H2AX: variants seen among roughly 807,000 people sequenced by gnomAD.
The protein encoded by H2AX is H2A.X variant histone.
H2AX carries 2 observed loss-of-function variants against 8.0 expected under a neutral mutation model. The observed-to-expected ratio is 0.25, with a 90% CI of 0.10 to 0.79. H2AX has a LOEUF of 0.79. Among genes scored for constraint, H2AX ranks in the 30% least tolerant of loss-of-function variants. The pLI is 0.69. For missense variants in H2AX, 105 were observed against 201.0 expected, an observed-to-expected ratio of 0.52 and a Z score of 2.89; for synonymous variants, 110 against 102.5, an observed-to-expected ratio of 1.07 and a Z score of -0.44.
In H2AX at chr11:119,095,227, C is replaced by T. The variant is rs552274055; in HGVS notation, c.168G>A (p.Leu56=). 7.4e-6 allele frequency: 12 copies of T among 1,613,956 alleles called. No individual in the cohort carries two copies. The African/African-American group carries it at 1.6e-4, about 22-fold the overall frequency. The part of the protein sequence containing the change: ...AGAPVYLAAV[L]EYLTAEILEL... ...CCAGGATCTCAGCGGTGAGGTACTC[C>T]AGCACTGCCGCCAGGTACACTGGCG... Residue 56 remains leucine, a synonymous_variant, in exon 1 of 1, where the codon CTG becomes CTA. Coordinates refer to ENST00000530167, the MANE Select transcript of H2AX (RefSeq NM_002105.3).
At position 119,094,958 on chromosome 11, in the gene H2AX, C is replaced by A. The variant is rs751244870; in HGVS notation, c.*5G>T. 5.0e-6 allele frequency: 8 copies of A among 1,594,224 alleles called. No homozygotes were observed. The highest frequency in any genetic ancestry group is 6.0e-6 in the Non-Finnish European group (7 of 1,171,632). On this transcript the variant is annotated 3_prime_UTR_variant, in exon 1 of 1. Coordinates refer to ENST00000530167, the MANE Select transcript of H2AX (RefSeq NM_002105.3). ...GCCTGGCGGCCGGCCGCGGCGCGGG[C>A]CCTCTTAGTACTCCTGGGAGGCCTG...
Position 119,094,913 on chromosome 11 carries a change from C to A in H2AX, c.*50G>T, listed in dbSNP as rs934694347. 4.6e-6 allele frequency: 7 copies of A among 1,536,524 alleles called. No individual in the cohort carries two copies. The highest frequency in any genetic ancestry group is 6.1e-6 in the Non-Finnish European group (7 of 1,145,570). ...GGGCGGTGGTGGCCCTTAAAAGGGC[C>A]TTTGTGGTGGCATGGGGAGGCCTGG... On this transcript the variant is annotated 3_prime_UTR_variant, in exon 1 of 1. Coordinates refer to ENST00000530167, the MANE Select transcript of H2AX (RefSeq NM_002105.3).
rs1176035172 is a variant in H2AX, at chr11:119,094,740, C to T, written c.*223G>A. ...GGCGGACGGCGGACAGGGCAGGGCC[C>T]GAGGCCGACGCGGCAGGCGGTGCGG... On this transcript the variant is annotated 3_prime_UTR_variant, in exon 1 of 1. Transcript: ENST00000530167. 6 of 510,598 alleles carry T rather than the reference C, an allele frequency of 1.2e-5. No individual in the cohort carries two copies. Among genetic ancestry groups the T allele is most frequent in the Non-Finnish European group, 1.7e-5 (5 of 297,562 alleles). The allele number at this position is 510,598 out of a possible 1,614,324, so 31.6% of individuals were successfully genotyped here.
chr11:119,095,384 C>T lies in H2AX; in HGVS notation c.11G>A (p.Arg4His). 6.4e-7 allele frequency: 1 copy of T among 1,563,496 alleles called. No homozygotes were observed. Among genetic ancestry groups the T allele is most frequent in the Non-Finnish European group, 8.6e-7 (1 of 1,160,248 alleles). ...GCGGGCCTTGCCGCCAGTCTTGCCG[C>T]GGCCCGACATGCTAGCGAGGTAGAC... MSGRGKTGGKARAK... is the reference protein window; with the variant it reads MSGHGKTGGKARAK... Residue 4 changes from arginine to histidine, a missense_variant, in exon 1 of 1, where the codon CGC (arginine) becomes CAC (histidine). By Grantham distance (29) the Arg-to-His change is conservative. Around this residue, in one of 3 missense-constraint regions of H2AX, gnomAD observed 21 missense variants for 22.7 expected, o/e 0.93. Transcript: ENST00000530167.
In H2AX at chr11:119,093,978, C is replaced by T. The variant is rs1946349955; in HGVS notation, c.*985G>A. 2 of 153,948 alleles carry T rather than the reference C, an allele frequency of 1.3e-5. No individual in the cohort carries two copies. Among genetic ancestry groups the T allele is most frequent in the Non-Finnish European group, 2.9e-5 (2 of 68,888 alleles). 9.5% of individuals were successfully genotyped at this position (153,948 alleles called of 1,614,324 possible). A position where few individuals can be genotyped will look rare whatever the true frequency, so the allele number is the denominator to read the frequency against. On this transcript the variant is annotated 3_prime_UTR_variant, in exon 1 of 1. Transcript: ENST00000530167. ...TAGCTGCAGAATTCCAGTTCAGAAG[C>T]CAACGGAGGCTCAGTCCAGACAGGG...
In H2AX at chr11:119,095,299, G is replaced by A. The variant is rs1390510899; in HGVS notation, c.96C>T (p.His32=). 1.2e-6 allele frequency: 2 copies of A among 1,612,314 alleles called. No homozygotes were observed. The highest frequency in any genetic ancestry group is 2.2e-5 in the South Asian group (2 of 90,974). Reference sequence around the variant, plus strand: ...CGTAGTGGCCCTTCCGCAGCAGCCGGTGTACACGGCCCACTGGGAACTGGA... The same window carrying A: ...CGTAGTGGCCCTTCCGCAGCAGCCGATGTACACGGCCCACTGGGAACTGGA... The part of the protein sequence containing the change: ...AGLQFPVGRV[H]RLLRKGHYAE... Residue 32 remains histidine, a synonymous_variant, in exon 1 of 1, where the codon CAC becomes CAT. Transcript: ENST00000530167.
In H2AX at chr11:119,094,714, G is replaced by GGGCGGAC. The variant is rs1187010529; in HGVS notation, c.*242_*248dup. 2 of 399,772 alleles carry GGGCGGAC rather than the reference G, an allele frequency of 5.0e-6. No individual in the cohort carries two copies. Among genetic ancestry groups the GGGCGGAC allele is most frequent in the South Asian group, 6.1e-5 (1 of 16,358 alleles). 24.8% of individuals were successfully genotyped at this position (399,772 alleles called of 1,614,324 possible). On this transcript the variant is annotated 3_prime_UTR_variant, in exon 1 of 1. Transcript: ENST00000530167. Reference sequence around the variant, plus strand: ...TCCGGAAGGCCCGAACCCTACCGGAGGGCGGACGGCGGACAGGGCAGGGCC... The same window carrying GGGCGGAC: ...TCCGGAAGGCCCGAACCCTACCGGAGGGCGGACGGCGGACGGCGGACAGGGCAGGGCC...
chr11:119,095,033 G>T lies in H2AX; in HGVS notation c.362C>A (p.Thr121Asn). The change falls in exon 1 of 1, where the codon ACC becomes AAC. Residue 121 changes from threonine (T) to asparagine (N), a missense_variant. Thr to Asn is a moderately conservative substitution (Grantham distance 65). Around this residue, in one of 3 missense-constraint regions of H2AX, gnomAD observed 29 missense variants for 33.9 expected, o/e 0.86. Coordinates refer to ENST00000530167, the MANE Select transcript of H2AX (RefSeq NM_002105.3). ...CGCCTTCGGCCCCACGGTGGCGCTG[G>T]TCTTCTTGGGCAGCAGCACGGCCTG... The part of the protein sequence containing the change: ...NIQAVLLPKK[T>N]SATVGPKAPS... 4 of 1,613,558 alleles carry T rather than the reference G, an allele frequency of 2.5e-6. No individual in the cohort carries two copies. The highest frequency in any genetic ancestry group is 3.4e-6 in the Non-Finnish European group (4 of 1,179,788).
In H2AX at chr11:119,094,047, T is replaced by C. The variant is rs1946351469; in HGVS notation, c.*916A>G. 1 of 152,544 alleles carries C rather than the reference T, an allele frequency of 6.6e-6. No homozygotes were observed. The highest frequency in any genetic ancestry group is 1.5e-5 in the Non-Finnish European group (1 of 68,080). The allele number at this position is 152,544 out of a possible 1,614,324, so 9.4% of individuals were successfully genotyped here. ...GTATCTAGGTGCTTGGATTGCCGAG[T>C]TGAGTTTGCTGGAAGGGAAATGGGG... On this transcript the variant is annotated 3_prime_UTR_variant, in exon 1 of 1. Transcript: ENST00000530167.
At position 119,095,414 on chromosome 11, in the gene H2AX, G is replaced by A. The variant is rs767692455; in HGVS notation, c.-20C>T. On this transcript the variant is annotated 5_prime_UTR_variant, in exon 1 of 1. Transcript: ENST00000530167. ...CGACATGCTAGCGAGGTAGACCGGTGAAGCACGACGGCTCAAACACTAGAA... is the reference window on the plus strand; with the variant it reads ...CGACATGCTAGCGAGGTAGACCGGTAAAGCACGACGGCTCAAACACTAGAA... The A allele has an allele frequency of 2.0e-6, 3 of 1,505,428 alleles. No homozygotes were observed. Among genetic ancestry groups the A allele is most frequent in the African/African-American group, 2.8e-5 (2 of 71,294 alleles). 93.3% of individuals were successfully genotyped at this position (1,505,428 alleles called of 1,614,324 possible). A position where few individuals can be genotyped will look rare whatever the true frequency, so the allele number is the denominator to read the frequency against.
chr11:119,094,199 G>C lies in H2AX; in HGVS notation c.*764C>G, dbSNP rs1019669787. 1 of 152,740 alleles carries C rather than the reference G, an allele frequency of 6.5e-6. No individual in the cohort carries two copies. The highest frequency in any genetic ancestry group is 1.5e-5 in the Non-Finnish European group (1 of 68,120). 9.5% of individuals were successfully genotyped at this position (152,740 alleles called of 1,614,324 possible). A position where few individuals can be genotyped will look rare whatever the true frequency, so the allele number is the denominator to read the frequency against. On this transcript the variant is annotated 3_prime_UTR_variant, in exon 1 of 1. Transcript: ENST00000530167. Reference sequence around the variant, plus strand: ...CCCTCCCCTAAATGTCCTCCTAGGAGGCAGTCACTCGGGAGGAAGATGTGC... The same window carrying C: ...CCCTCCCCTAAATGTCCTCCTAGGACGCAGTCACTCGGGAGGAAGATGTGC...
rs374184122 is a variant in H2AX, at chr11:119,095,018, C to G, written c.377G>C (p.Gly126Ala). The change falls in exon 1 of 1, where the codon GGG becomes GCG. Residue 126 changes from glycine (G) to alanine (A), a missense_variant. Around this residue, in one of 3 missense-constraint regions of H2AX, gnomAD observed 29 missense variants for 33.9 expected, o/e 0.86. Coordinates refer to ENST00000530167, the MANE Select transcript of H2AX (RefSeq NM_002105.3). ...LLPKKTSATVGPKAPSGGKKA... is the reference protein window; with the variant it reads ...LLPKKTSATVAPKAPSGGKKA... ...CTTGCCGCCCGAGGGCGCCTTCGGC[C>G]CCACGGTGGCGCTGGTCTTCTTGGG... The G allele has an allele frequency of 3.1e-6, 5 of 1,613,126 alleles. No homozygotes were observed. In the African/African-American group the frequency reaches 5.3e-5, roughly 17 times the overall value.
rs1946372801 is a variant in H2AX at position 119,095,365 on chromosome 11, C to A, written c.30G>T (p.Lys10Asn). The change falls in exon 1 of 1, where the codon AAG becomes AAT. Residue 10 changes from lysine to asparagine, a missense_variant. Physicochemically the swap from Lys to Asn is moderately conservative, Grantham distance 94. This residue lies in a region of H2AX where 21 missense variants were observed against 22.7 expected (regional missense o/e 0.93). Transcript: ENST00000530167. The stretch of plus-strand genomic sequence containing the variant: ...AGCGCGACTTGGCCTTGGCGCGGGC[C>A]TTGCCGCCAGTCTTGCCGCGGCCCG... MSGRGKTGG[K>N]ARAKAKSRSS... 2 of 1,581,244 alleles carry A rather than the reference C, an allele frequency of 1.3e-6. No homozygotes were observed. Among genetic ancestry groups the A allele is most frequent in the Non-Finnish European group, 1.7e-6 (2 of 1,167,100 alleles).
In H2AX at chr11:119,094,680, C is replaced by T; in HGVS notation, c.*283G>A. On this transcript the variant is annotated 3_prime_UTR_variant, in exon 1 of 1. Transcript: ENST00000530167. ...GCCACGGAGGTCCCCGAAGAGCGCC[C>T]AAGCCGCATCCGGAAGGCCCGAACC... The T allele has an allele frequency of 3.4e-6, 1 of 297,398 alleles. No homozygotes were observed. Among genetic ancestry groups the T allele is most frequent in the Non-Finnish European group, 6.1e-6 (1 of 163,252 alleles). 18.4% of individuals were successfully genotyped at this position (297,398 alleles called of 1,614,324 possible).
In H2AX at chr11:119,095,412, G is replaced by C; in HGVS notation, c.-18C>G. ...CCCGACATGCTAGCGAGGTAGACCG[G>C]TGAAGCACGACGGCTCAAACACTAG... On this transcript the variant is annotated 5_prime_UTR_variant, in exon 1 of 1. Coordinates refer to ENST00000530167, the MANE Select transcript of H2AX (RefSeq NM_002105.3). 8 of 1,514,968 alleles carry C rather than the reference G, an allele frequency of 5.3e-6. No individual in the cohort carries two copies. Among genetic ancestry groups the C allele is most frequent in the Non-Finnish European group, 7.0e-6 (8 of 1,140,020 alleles). The allele number at this position is 1,514,968 out of a possible 1,614,324, so 93.8% of individuals were successfully genotyped here. A position where few individuals can be genotyped will look rare whatever the true frequency, so the allele number is the denominator to read the frequency against.
At position 119,094,798 on chromosome 11, in the gene H2AX, C is replaced by T; in HGVS notation, c.*165G>A. ...GCGGGGGCGGGCGGGGACTCGAGGC[C>T]GGGCGGCGAAGGCGGGCGAGGGGAG... is the stretch of plus-strand genomic sequence containing the variant. On this transcript the variant is annotated 3_prime_UTR_variant, in exon 1 of 1. Transcript: ENST00000530167. 1 of 738,484 alleles carries T rather than the reference C, an allele frequency of 1.4e-6. No homozygotes were observed. The highest frequency in any genetic ancestry group is 2.1e-6 in the Non-Finnish European group (1 of 480,326). The allele number at this position is 738,484 out of a possible 1,614,324, so 45.7% of individuals were successfully genotyped here.
rs979282523 is a variant in H2AX, at chr11:119,094,853, C to T, written c.*110G>A. On this transcript the variant is annotated 3_prime_UTR_variant, in exon 1 of 1. Transcript: ENST00000530167. The stretch of plus-strand genomic sequence containing the variant: ...GGGGAAGGGAGCCGCGGCCCGCTTG[C>T]CCCGCAGTCTGAAGCGGCTCAGCTC... 5.1e-6 allele frequency: 6 copies of T among 1,169,334 alleles called. No homozygotes were observed. The African/African-American group carries it at 6.4e-5, about 12-fold the overall frequency. The allele number at this position is 1,169,334 out of a possible 1,614,324, so 72.4% of individuals were successfully genotyped here.
chr11:119,095,424 G>A lies in H2AX; in HGVS notation c.-30C>T, dbSNP rs112970707. The A allele has an allele frequency of 6.5e-5, 97 of 1,486,318 alleles. No individual in the cohort carries two copies. The East Asian group carries it at 1.1e-3, about 16-fold the overall frequency. 92.1% of individuals were successfully genotyped at this position (1,486,318 alleles called of 1,614,324 possible). On this transcript the variant is annotated 5_prime_UTR_variant, in exon 1 of 1. Transcript: ENST00000530167. ...GCGAGGTAGACCGGTGAAGCACGAC[G>A]GCTCAAACACTAGAACAGACGCCCG...
Position 119,094,991 on chromosome 11 carries a change from T to C in H2AX, c.404A>G (p.Lys135Arg). ...GTACTCCTGGGAGGCCTGGGTGGCC[T>C]TCTTGCCGCCCGAGGGCGCCTTCGG... ...VGPKAPSGGK[K>R]ATQASQEY Residue 135 changes from lysine to arginine, a missense_variant, in exon 1 of 1, where the codon AAG (lysine) becomes AGG (arginine). Physicochemically the swap from Lys to Arg is conservative, Grantham distance 26. Transcript: ENST00000530167. 1 of 1,612,450 alleles carries C rather than the reference T, an allele frequency of 6.2e-7. No individual in the cohort carries two copies. Among genetic ancestry groups the C allele is most frequent in the Non-Finnish European group, 8.5e-7 (1 of 1,179,288 alleles).
Sources: gnomAD v4.1 joint callset for allele counts on GRCh38, gnomAD v4.1.1 for gene constraint, gnomAD v4.1.1 regional missense constraint, MANE v1.5 for transcripts, NCBI Gene and HGNC (gene_info 2026-07-23, HGNC 2026-07-21) for gene names.